Variants in ULK4 observed in about 807,000 individuals in gnomAD.
The protein encoded by ULK4 is inactive serine/threonine-protein kinase ULK4.
Under a neutral mutation model 160.6 loss-of-function variants are expected in ULK4, and 133 were observed. The observed-to-expected ratio is 0.83, with a 90% CI of 0.72 to 0.96. The LOEUF (loss-of-function observed/expected upper bound fraction) is 0.96, where lower values mean the gene tolerates loss of function less well. Ranked by LOEUF, ULK4 falls within the 40% of genes least tolerant of loss-of-function variation. ULK4 has a pLI of 0.00. For missense variants in ULK4, 1,580 were observed against 1,499.5 expected (o/e 1.05, Z -0.89); for synonymous variants, 534 against 539.8 (o/e 0.99, Z 0.15).
At chr3:41,859,225 AG>A in intron 17 of ULK4, 1 of 534,574 alleles carries the variant, frequency 1.9e-6, no homozygotes, top group South Asian at 1.5e-5. Context: ...CTGATGTTTA[AG>A]GCAACTAATG....
chr3:41,954,026 A>C lies in ULK4; in HGVS notation c.138+596T>G, dbSNP rs191052627. On this transcript the variant is annotated intron_variant, in intron 2 of 36. Transcript: ENST00000301831. ...GTGAAACCCCGTCTTTACTAAAAAT[A>C]CAAAAATTAGCTGGGTGTGGTGTCG... is the stretch of plus-strand genomic sequence containing the variant. 1.9e-3 allele frequency among the ~76,000 whole-genome samples: 292 copies of C among 152,214 alleles called. 2 individuals are homozygous for C. The highest frequency in any genetic ancestry group is 6.9e-3 in the African/African-American group (287 of 41,546).
At chr3:41,643,689 C>T (rs1310263035) in intron 30 of ULK4, among the ~76,000 whole-genome samples, 2 of 151,996 alleles carry the variant, frequency 1.3e-5, no homozygotes, top group South Asian at 4.2e-4. Context: ...TTTTTTGGTT[C>T]CATATGAACT....
chr3:41,367,487 T>C (rs1045319311), intron 35 of ULK4, among the ~76,000 whole-genome samples: 2 of 152,144 alleles, frequency 1.3e-5, no homozygotes, highest in African/African-American at 4.8e-5. Context: ...CAGGACACCT[T>C]GGGGTATATC....
chr3:41,499,692 C>T (rs534471618), intron 32 of ULK4, among the ~76,000 whole-genome samples: 2 of 152,178 alleles, frequency 1.3e-5, no homozygotes, highest in South Asian at 2.1e-4. Flanking sequence ...GCCAACTTTA[C>T]GTTGAACAAA....
intron 2 of ULK4, among the ~76,000 whole-genome samples, chr3:41,939,840 C>T (rs181157646): frequency 1.1e-3 from 173 of 152,220 alleles, no homozygotes; most frequent in African/African-American, 4.0e-3. Context: ...CTCACAGAAG[C>T]ACAAACCCTA....
At chr3:41,585,804 A>G (rs2125636688) in intron 31 of ULK4, among the ~76,000 whole-genome samples, 1 of 152,190 alleles carries the variant, frequency 6.6e-6, no homozygotes, top group South Asian at 2.1e-4. Flanking sequence ...TGTATAAAAA[A>G]CTCCTATATT....
rs1011696196 is a variant in ULK4 at position 41,663,609 on chromosome 3, T to C, written c.3069A>G (p.Thr1023=). 7 of 1,612,930 alleles carry C rather than the reference T, an allele frequency of 4.3e-6. No homozygotes were observed. Among genetic ancestry groups the C allele is most frequent in the South Asian group, 1.1e-5 (1 of 91,072 alleles). The change falls in exon 30 of 37, where the codon ACA becomes ACG. Residue 1023 remains threonine (T), a splice_region_variant and synonymous_variant. Transcript: ENST00000301831. ...VAMTEHNPTF[T]RLVEESKLIP... is the part of the protein sequence containing the mutation. ...AAAGAAATTTGAACTTCCAGTACCT[T>C]GTGAAAGTTGGGTTGTGTTCAGTCA...
intron 32 of ULK4, among the ~76,000 whole-genome samples, chr3:41,533,283 TAGG>T (rs2086385021): frequency 6.6e-6 from 1 of 152,208 alleles, no homozygotes; most frequent in Admixed American, 6.5e-5. Context: ...GTTTATTATG[TAGG>T]AGAAGTTATT....
intron 31 of ULK4, among the ~76,000 whole-genome samples, chr3:41,573,607 CAG>C (rs1371470094): frequency 1.3e-5 from 2 of 152,192 alleles, no homozygotes; most frequent in African/African-American, 4.8e-5. Flanking sequence ...TGAGAAACCA[CAG>C]AGAGAATAAA....
chr3:41,246,836 G>A lies in ULK4; in HGVS notation c.*93C>T. On this transcript the variant is annotated 3_prime_UTR_variant, in exon 37 of 37. Transcript: ENST00000301831. ...CTTTATTAGGTCCAAAGACAGCTGTGAGGGGATGTGGCAAAGGTGTCTGGG... is the reference window on the plus strand; with the variant it reads ...CTTTATTAGGTCCAAAGACAGCTGTAAGGGGATGTGGCAAAGGTGTCTGGG... The A allele has an allele frequency of 6.9e-7, 1 of 1,450,518 alleles. No individual in the cohort carries two copies. 89.9% of individuals were successfully genotyped at this position (1,450,518 alleles called of 1,614,324 possible).
intron 35 of ULK4, among the ~76,000 whole-genome samples, chr3:41,254,939 C>T (rs1298055587): frequency 1.3e-5 from 2 of 150,690 alleles, no homozygotes; most frequent in East Asian, 3.9e-4. Flanking sequence ...GCAAAACAAA[C>T]CCAAACTGGG....
chr3:41,248,652 T>C (rs1334105230), intron 36 of ULK4, among the ~76,000 whole-genome samples: 1 of 152,218 alleles, frequency 6.6e-6, no homozygotes, highest in Non-Finnish European at 1.5e-5. Flanking sequence ...GCAGATTTCA[T>C]AGAAACATGT....
chr3:41,930,490 G>T (rs909907319), intron 5 of ULK4, among the ~76,000 whole-genome samples: 1 of 152,120 alleles, frequency 6.6e-6, no homozygotes, highest in Non-Finnish European at 1.5e-5. Flanking sequence ...TTGACAAATG[G>T]TATCTAATTA....
chr3:41,402,275 T>C (rs2082197253), intron 34 of ULK4, among the ~76,000 whole-genome samples: 2 of 152,234 alleles, frequency 1.3e-5, no homozygotes, highest in African/African-American at 4.8e-5. Flanking sequence ...CGGCATTTTC[T>C]ACATAGATAA....
intron 34 of ULK4, among the ~76,000 whole-genome samples, chr3:41,421,853 T>C (rs769362267): frequency 3.3e-5 from 5 of 152,312 alleles, no homozygotes; most frequent in Non-Finnish European, 7.4e-5. Flanking sequence ...CTTGAAAATT[T>C]TGAATGCACA....
At chr3:41,547,379 A>G (rs1022637261) in intron 32 of ULK4, among the ~76,000 whole-genome samples, 5 of 152,310 alleles carry the variant, frequency 3.3e-5, no homozygotes, top group South Asian at 4.1e-4. Flanking sequence ...GACAGGGAAC[A>G]TCTGAGGCAC....
At chr3:41,375,277 A>G (rs1038573314) in intron 35 of ULK4, among the ~76,000 whole-genome samples, 2 of 152,178 alleles carry the variant, frequency 1.3e-5, no homozygotes, top group Non-Finnish European at 2.9e-5. Flanking sequence ...GAATAGGAAA[A>G]ACTACTTTAA....
chr3:41,907,192 A>G (rs1258907954), intron 12 of ULK4, among the ~76,000 whole-genome samples: 3 of 152,176 alleles, frequency 2.0e-5, no homozygotes, highest in Non-Finnish European at 4.4e-5. Context: ...GGGGGCAGTG[A>G]CTGCTAATGG....
intron 35 of ULK4, among the ~76,000 whole-genome samples, chr3:41,316,661 T>A (rs1052116368): frequency 1.3e-5 from 2 of 152,182 alleles, no homozygotes; most frequent in Non-Finnish European, 1.5e-5. Flanking sequence ...ACCTGCTGGG[T>A]ATGATGCTCA....
Sources: allele counts gnomAD v4.1 joint callset (sites outside exome capture counted in the v4.1 genomes callset), GRCh38; gene constraint gnomAD v4.1.1; transcripts MANE v1.5; gene names NCBI Gene and HGNC (gene_info 2026-07-23, HGNC 2026-07-21).